Variants in TPM3 observed in about 807,000 individuals in gnomAD.
TPM3 encodes tropomyosin 3, also known as tropomyosin alpha-3 chain.
Under a neutral mutation model 43.1 loss-of-function variants are expected in TPM3, and 16 were observed. The observed-to-expected ratio is 0.37, with a 90% CI of 0.25 to 0.56. The LOEUF (loss-of-function observed/expected upper bound fraction) is 0.56. Ranked by LOEUF, TPM3 falls within the 20% of genes least tolerant of loss-of-function variation. The probability of loss-of-function intolerance (pLI) is 0.77; values close to 1 mark genes in which losing one functional copy is unlikely to be tolerated. For missense variants in TPM3, 176 were observed against 337.2 expected, an observed-to-expected ratio of 0.52 and a Z score of 3.74; for synonymous variants, 101 against 116.9, an observed-to-expected ratio of 0.86 and a Z score of 0.88.
chr1:154,191,337 CA>C (rs2148294751), intron 1 of TPM3, 26 bp from the exon 2 acceptor site: 1 of 1,613,420 alleles, frequency 6.2e-7, no homozygotes. Flanking sequence ...GAGTCACACA[CA>C]AAAACACACA....
intron 5 of TPM3, chr1:154,172,512 C>T: frequency 2.0e-6 from 1 of 497,198 alleles, no homozygotes; most frequent in Non-Finnish European, 4.0e-6. Context: ...CCTGCCTTGG[C>T]ATACTAAGTA....
intron 2 of TPM3, among the ~76,000 whole-genome samples, chr1:154,178,637 C>G (rs749046592): frequency 6.6e-6 from 1 of 152,180 alleles, no homozygotes; most frequent in Non-Finnish European, 1.5e-5. Context: ...CAATGGGTAC[C>G]AAGAGATTGA....
chr1:154,170,576 G>A lies in TPM3; in HGVS notation c.705+73C>T, dbSNP rs531866971. The A allele has an allele frequency of 2.5e-6, 4 of 1,594,366 alleles. No individual in the cohort carries two copies. The East Asian group carries it at 6.7e-5, about 27-fold the overall frequency. On this transcript the variant is annotated intron_variant, in intron 7 of 9. Transcript: ENST00000651641. Reference sequence around the variant, plus strand: ...GACCTTTCAGAACCCAAACCAGCCAGTTTAAATCCATATTAATGCCTTATA... The same window carrying A: ...GACCTTTCAGAACCCAAACCAGCCAATTTAAATCCATATTAATGCCTTATA...
chr1:154,173,973 C>T (rs1346427195), intron 3 of TPM3, among the ~76,000 whole-genome samples: 1 of 151,900 alleles, frequency 6.6e-6, no homozygotes, highest in Non-Finnish European at 1.5e-5. Flanking sequence ...GAGTGAGACA[C>T]CGTCTCCTCC....
intron 3 of TPM3, 122 bp downstream of exon 3, chr1:154,175,993 T>C: frequency 1.3e-6 from 2 of 1,522,246 alleles, no homozygotes. Flanking sequence ...GTGCTGGGAT[T>C]ACAGGCGTGA....
chr1:154,178,690 A>T (rs1662615767), intron 2 of TPM3, among the ~76,000 whole-genome samples: 1 of 152,198 alleles, frequency 6.6e-6, no homozygotes, highest in Non-Finnish European at 1.5e-5. Context: ...TGGCCCTGGG[A>T]AACGTTAAGC....
At position 154,191,940 on chromosome 1, in the gene TPM3, C is replaced by T; in HGVS notation, c.79G>A (p.Glu27Lys). 1 of 1,613,948 alleles carries T rather than the reference C, an allele frequency of 6.2e-7. No individual in the cohort carries two copies. The highest frequency in any genetic ancestry group is 8.5e-7 in the Non-Finnish European group (1 of 1,180,016). The change falls in exon 1 of 10, where the codon GAA becomes AAA. Residue 27 changes from glutamate (E) to lysine (K), a missense_variant. Physicochemically the swap from Glu to Lys is moderately conservative, Grantham distance 56. Transcript: ENST00000651641. ...TCTTCTGCCTGCTTCTGCTCAGCTT[C>T]AGCTTGCTCTGCCCGATCCAGAGCA... The part of the protein sequence containing the change: ...ENALDRAEQA[E>K]AEQKQAEERS...
At position 154,171,602 on chromosome 1, in the gene TPM3, A is replaced by G. The variant is rs1661583925; in HGVS notation, c.567-114T>C. ...CTATATGTAGAGAGAGTTGGAAGGC[A>G]TACTGGGGAAGAGATGTTCCCAAGT... On this transcript the variant is annotated intron_variant, in intron 5 of 9. Coordinates refer to ENST00000651641, the MANE Select transcript of TPM3 (RefSeq NM_152263.4). 3 of 1,145,672 alleles carry G rather than the reference A, an allele frequency of 2.6e-6. No homozygotes were observed. The South Asian group carries it at 3.8e-5, about 15-fold the overall frequency. 71.0% of individuals were successfully genotyped at this position (1,145,672 alleles called of 1,614,324 possible).
In TPM3 at chr1:154,164,845, T is replaced by A. The variant is rs1309476743; in HGVS notation, c.*3092A>T. ...TGGCTGAAATGTGAGAAACACCATG[T>A]TAGTGAATCACTTTGCTAATCTGCA... On this transcript the variant is annotated 3_prime_UTR_variant, in exon 10 of 10. Transcript: ENST00000651641. Among the ~76,000 whole-genome samples the A allele has an allele frequency of 6.6e-6, 1 of 152,234 alleles. No homozygotes were observed. Among genetic ancestry groups the A allele is most frequent in the Non-Finnish European group, 1.5e-5 (1 of 68,038 alleles).
At chr1:154,172,464 C>A in intron 5 of TPM3, 1 of 507,894 alleles carries the variant, frequency 2.0e-6, no homozygotes, top group South Asian at 1.5e-5. Context: ...CCCTATGACG[C>A]CCAGGCTGGC....
In TPM3 at chr1:154,166,688, CCT is replaced by C. The variant is rs1491155934; in HGVS notation, c.*1247_*1248del. On this transcript the variant is annotated 3_prime_UTR_variant, in exon 10 of 10. Coordinates refer to ENST00000651641, the MANE Select transcript of TPM3 (RefSeq NM_152263.4). ...TGCTGTGTAAATTGGAATGCGAATT[CCT>C]TTTTTTTTTTTGAGATGGAGTCTCT... 6.2e-6 allele frequency: 6 copies of C among 961,384 alleles called. No individual in the cohort carries two copies. The highest frequency in any genetic ancestry group is 7.2e-6 in the Non-Finnish European group (6 of 832,308). 59.6% of individuals were successfully genotyped at this position (961,384 alleles called of 1,614,324 possible).
rs1660871246 is a variant in TPM3, at chr1:154,165,719, G to A, written c.*2218C>T. Reference sequence around the variant, plus strand: ...TGGGAGAACTGCTTGAACCCAGGAGGCAGAGGTTGCAGTGAGCTGAGATCA... The same window carrying A: ...TGGGAGAACTGCTTGAACCCAGGAGACAGAGGTTGCAGTGAGCTGAGATCA... On this transcript the variant is annotated 3_prime_UTR_variant, in exon 10 of 10. Coordinates refer to ENST00000651641, the MANE Select transcript of TPM3 (RefSeq NM_152263.4). Among the ~76,000 whole-genome samples, 1 of 150,236 alleles carries A rather than the reference G, an allele frequency of 6.7e-6. No individual in the cohort carries two copies. The highest frequency in any genetic ancestry group is 1.5e-5 in the Non-Finnish European group (1 of 67,776).
At chr1:154,159,172 T>A, downstream of TPM3, 1 of 688,626 alleles carries the variant, frequency 1.5e-6, no homozygotes, top group Non-Finnish European at 2.7e-6. Context: ...CTAGCTGGTA[T>A]ATATAACATG....
chr1:154,188,024 T>G lies in TPM3; in HGVS notation c.243+3162A>C, dbSNP rs188163697. Among the ~76,000 whole-genome samples the G allele has an allele frequency of 4.6e-5, 7 of 151,530 alleles. No homozygotes were observed. The East Asian group carries it at 1.3e-3, about 29-fold the overall frequency. Reference sequence around the variant, plus strand: ...AGGGTTGTTTGTTTGTTTGTTTTGTTTTGTTTTTTTGAGTTTTCTGAGAAG... The same window carrying G: ...AGGGTTGTTTGTTTGTTTGTTTTGTGTTGTTTTTTTGAGTTTTCTGAGAAG... On this transcript the variant is annotated intron_variant, in intron 2 of 9. Coordinates refer to ENST00000651641, the MANE Select transcript of TPM3 (RefSeq NM_152263.4).
chr1:154,155,523 G>A (rs1397893808), downstream of TPM3: 10 of 236,718 alleles, frequency 4.2e-5, no homozygotes, highest in East Asian at 6.1e-4. Context: ...TCAGATTCAC[G>A]TCCGGCCTCC....
At chr1:154,171,286 T>C (rs1044421773) in intron 6 of TPM3, 127 bp downstream of exon 6, 15 of 955,964 alleles carry the variant, frequency 1.6e-5, no homozygotes, top group Admixed American at 1.8e-5. Context: ...CCTGAATACA[T>C]GGTAAGGAGG....
chr1:154,172,407 G>A (rs1343525256), intron 5 of TPM3: 1 of 597,192 alleles, frequency 1.7e-6, no homozygotes, highest in African/African-American at 1.8e-5. Flanking sequence ...GGCCAAAACA[G>A]ACACCAGATT....
intron 2 of TPM3, among the ~76,000 whole-genome samples, chr1:154,177,375 C>T (rs1662454981): frequency 6.6e-6 from 1 of 152,154 alleles, no homozygotes; most frequent in Non-Finnish European, 1.5e-5. Flanking sequence ...CAATCTTCCC[C>T]CTGGCCTCCA....
chr1:154,161,131 T>TAAAAAAAAAAAAAAAAAAAAAAAAAAAAA (rs953940037), downstream of TPM3, among the ~76,000 whole-genome samples: 1 of 85,104 alleles, frequency 1.2e-5, no homozygotes. Context: ...ATGCAAATAT[T>TAAAAAAAAAAAAAAAAAAAAAAAAAAAAA]AAAAAAAAAA....
Sources: allele counts gnomAD v4.1 joint callset (sites outside exome capture counted in the v4.1 genomes callset), GRCh38; gene constraint gnomAD v4.1.1; transcripts MANE v1.5; gene names NCBI Gene and HGNC (gene_info 2026-07-23, HGNC 2026-07-21).